Variants in DENND5B observed in about 807,000 individuals in gnomAD.
The protein encoded by DENND5B is DENN domain-containing protein 5B.
Under a neutral mutation model 140.6 loss-of-function variants are expected in DENND5B, and 34 were observed. The observed-to-expected ratio is 0.24, with a 90% CI of 0.18 to 0.32. The LOEUF is 0.32. Ranked by LOEUF, DENND5B falls within the 10% of genes least tolerant of loss-of-function variation. The pLI is 1.00. For synonymous variants in DENND5B, 551 were observed against 562.1 expected, an observed-to-expected ratio of 0.98 and a Z score of 0.28; for missense variants, 1,142 against 1,560.2, an observed-to-expected ratio of 0.73 and a Z score of 4.52.
chr12:31,566,296 A>T lies in DENND5B; in HGVS notation c.127+24410T>A, dbSNP rs546637766. Among the ~76,000 whole-genome samples, 630 of 151,910 alleles carry T rather than the reference A, an allele frequency of 4.1e-3. 5 individuals are homozygous for T. The highest frequency in any genetic ancestry group is 0.014 in the African/African-American group (575 of 41,436). ...AATCACATCTGTGAATAGCTACTGC[A>T]TTCCGGCCAGGGAAACATAGTGAGA... On this transcript the variant is annotated intron_variant, in intron 1 of 20. Coordinates refer to ENST00000389082, the MANE Select transcript of DENND5B (RefSeq NM_144973.4).
chr12:31,495,991 T>C (rs1020797177), intron 1 of DENND5B, 72 bp from the exon 2 acceptor site: 2 of 1,053,710 alleles, frequency 1.9e-6, no homozygotes, highest in African/African-American at 1.6e-5. Context: ...ATTTATTTTA[T>C]AGTCCTACTA....
intron 1 of DENND5B, among the ~76,000 whole-genome samples, chr12:31,529,031 G>A (rs1295118558): frequency 1.3e-5 from 2 of 151,624 alleles, no homozygotes; most frequent in African/African-American, 2.4e-5. Context: ...GTCTGGTGGC[G>A]GGTGCCTGTA....
intron 17 of DENND5B, among the ~76,000 whole-genome samples, chr12:31,397,380 C>G (rs1201982715): frequency 6.6e-6 from 1 of 151,208 alleles, no homozygotes; most frequent in Non-Finnish European, 1.5e-5. Context: ...AACCTTGTCT[C>G]TACCAAAAAT....
chr12:31,571,452 C>T (rs1350497018), intron 1 of DENND5B, among the ~76,000 whole-genome samples: 1 of 151,854 alleles, frequency 6.6e-6, no homozygotes, highest in Non-Finnish European at 1.5e-5. Context: ...TTTCTTTTCT[C>T]ATTTCACTTT....
At chr12:31,470,732 T>C (rs1259237) in intron 3 of DENND5B, among the ~76,000 whole-genome samples, 11,863 of 152,226 alleles carry the variant, frequency 0.078, 1,057 homozygotes, top group African/African-American at 0.22. Context: ...GGGCATCCAG[T>C]TGGTATCACA....
rs1946294056 is a variant in DENND5B at position 31,486,067 on chromosome 12, C to T, written c.238-5812G>A. Reference sequence around the variant, plus strand: ...TTGCTTTAAATCAAGGGTCAGCAAACAACAGCCCTGCTATGGGTTTAAATA... The same window carrying T: ...TTGCTTTAAATCAAGGGTCAGCAAATAACAGCCCTGCTATGGGTTTAAATA... On this transcript the variant is annotated intron_variant, in intron 2 of 20. Transcript: ENST00000389082. Among the ~76,000 whole-genome samples, 4 of 152,206 alleles carry T rather than the reference C, an allele frequency of 2.6e-5. No homozygotes were observed. The South Asian group carries it at 8.3e-4, about 31-fold the overall frequency.
intron 12 of DENND5B, among the ~76,000 whole-genome samples, chr12:31,415,078 G>A (rs1020399599): frequency 6.6e-6 from 1 of 151,984 alleles, no homozygotes. Flanking sequence ...TTGCACCACC[G>A]AATTCCAGCC....
chr12:31,480,558 T>G (rs1049840114), intron 2 of DENND5B, among the ~76,000 whole-genome samples: 7 of 152,218 alleles, frequency 4.6e-5, no homozygotes, highest in African/African-American at 1.7e-4. Flanking sequence ...ACCAAGCTTG[T>G]GGCCTTTAGC....
chr12:31,485,404 A>G (rs544110242), intron 2 of DENND5B, among the ~76,000 whole-genome samples: 1 of 152,344 alleles, frequency 6.6e-6, no homozygotes, highest in South Asian at 2.1e-4. Flanking sequence ...AAGCACGGAT[A>G]TTTTACGTTA....
intron 1 of DENND5B, among the ~76,000 whole-genome samples, chr12:31,512,834 AT>A (rs150585614): frequency 0.011 from 1,750 of 152,314 alleles, 23 homozygotes; most frequent in African/African-American, 0.04. Context: ...AAGTTTCCAC[AT>A]ACCCTAAAAC....
At chr12:31,472,022 A>G (rs1945584879) in intron 3 of DENND5B, among the ~76,000 whole-genome samples, 1 of 152,154 alleles carries the variant, frequency 6.6e-6, no homozygotes, top group Non-Finnish European at 1.5e-5. Context: ...CTTTATGATA[A>G]TCGGGATATT....
intron 16 of DENND5B, among the ~76,000 whole-genome samples, chr12:31,399,333 C>T (rs1256692757): frequency 1.5e-5 from 2 of 130,436 alleles, no homozygotes; most frequent in South Asian, 2.5e-4. Flanking sequence ...GGCTGGAGTG[C>T]AACGGTGCAA....
At chr12:31,432,141 G>C (rs1943536779) in intron 8 of DENND5B, 1 of 984,994 alleles carries the variant, frequency 1.0e-6, no homozygotes, top group African/African-American at 1.8e-5. Context: ...CAGACCAAAA[G>C]TTCCCCGGAA....
chr12:31,545,971 A>AAAAAAAAAAAAAAAAAAG (rs1948843461), intron 1 of DENND5B, among the ~76,000 whole-genome samples: 1 of 148,012 alleles, frequency 6.8e-6, no homozygotes, highest in Non-Finnish European at 1.5e-5. Flanking sequence ...AAAAAAAAAA[A>AAAAAAAAAAAAAAAAAAG]GTGGGGGAAT....
At chr12:31,396,967 C>T (rs1941509415) in intron 17 of DENND5B, among the ~76,000 whole-genome samples, 1 of 152,118 alleles carries the variant, frequency 6.6e-6, no homozygotes, top group South Asian at 2.1e-4. Context: ...AGATCCCTAT[C>T]ACATCTGCAA....
intron 5 of DENND5B, among the ~76,000 whole-genome samples, chr12:31,449,731 G>GTTTTTTTTTTT (rs771712867): frequency 0.014 from 1,221 of 89,718 alleles, 129 homozygotes; most frequent in Non-Finnish European, 0.02. Flanking sequence ...ACACAGATTA[G>GTTTTTTTTTTT]TTTTTTTTTT....
intron 1 of DENND5B, among the ~76,000 whole-genome samples, chr12:31,540,391 T>G (rs539430793): frequency 1.3e-5 from 2 of 152,316 alleles, no homozygotes; most frequent in South Asian, 4.1e-4. Context: ...TGATGCCTCA[T>G]GCCTGCAATC....
chr12:31,589,217 T>C (rs1025703434), intron 1 of DENND5B, among the ~76,000 whole-genome samples: 10 of 152,180 alleles, frequency 6.6e-5, no homozygotes, highest in African/African-American at 2.4e-4. Flanking sequence ...AAAATAACAA[T>C]ATTCCTTCAC....
At chr12:31,552,363 T>C (rs113470831) in intron 1 of DENND5B, among the ~76,000 whole-genome samples, 1 of 152,222 alleles carries the variant, frequency 6.6e-6, no homozygotes, top group Non-Finnish European at 1.5e-5. Flanking sequence ...TTGGATTACA[T>C]TTATTGATTT....
Sources: allele counts gnomAD v4.1 joint callset (sites outside exome capture counted in the v4.1 genomes callset), GRCh38; gene constraint gnomAD v4.1.1; transcripts MANE v1.5; gene names NCBI Gene and HGNC (gene_info 2026-07-23, HGNC 2026-07-21).